Variants in LRRC4C observed in about 807,000 individuals in gnomAD.
LRRC4C encodes leucine-rich repeat-containing protein 4C.
A neutral mutation model predicts 33.6 loss-of-function variants in LRRC4C; 5 were observed. The observed-to-expected ratio is 0.15, with a 90% CI of 0.08 to 0.31. The LOEUF is 0.31. Ranked by LOEUF, LRRC4C falls within the 10% of genes least tolerant of loss-of-function variation. The pLI is 1.00. For synonymous variants in LRRC4C, 329 were observed against 302.0 expected, an observed-to-expected ratio of 1.09 and a Z score of -0.93; for missense variants, 560 against 796.7, an observed-to-expected ratio of 0.70 and a Z score of 3.58.
intron 1 of LRRC4C, among the ~76,000 whole-genome samples, chr11:41,012,828 C>A (rs771041994): frequency 6.6e-6 from 1 of 152,090 alleles, no homozygotes; most frequent in Non-Finnish European, 1.5e-5. Context: ...TGGCATTTCT[C>A]CGATGATTTG....
At chr11:40,889,929 A>C (rs868519128) in intron 2 of LRRC4C, among the ~76,000 whole-genome samples, 97 of 152,186 alleles carry the variant, frequency 6.4e-4, no homozygotes, top group African/African-American at 2.3e-3. Flanking sequence ...TCAATGTATA[A>C]TTAAAAACTC....
intron 2 of LRRC4C, among the ~76,000 whole-genome samples, chr11:40,843,197 G>A (rs1477620236): frequency 2.0e-5 from 3 of 152,056 alleles, no homozygotes; most frequent in Non-Finnish European, 4.4e-5. Flanking sequence ...CTCCCATTAA[G>A]GGGCCAAGCA....
At chr11:40,833,170 A>T (rs1304529546) in intron 2 of LRRC4C, among the ~76,000 whole-genome samples, 1 of 152,146 alleles carries the variant, frequency 6.6e-6, no homozygotes, top group Non-Finnish European at 1.5e-5. Context: ...TCCGTGTGAT[A>T]AAAACTTCCC....
intron 3 of LRRC4C, among the ~76,000 whole-genome samples, chr11:40,513,265 A>G (rs1255884015): frequency 5.3e-5 from 8 of 151,434 alleles, no homozygotes; most frequent in Admixed American, 2.0e-4. Context: ...AAAAAAAAAA[A>G]AAAAGAAAAG....
intron 1 of LRRC4C, among the ~76,000 whole-genome samples, chr11:41,037,467 A>C (rs2137916923): frequency 6.6e-6 from 1 of 152,086 alleles, no homozygotes; most frequent in African/African-American, 2.4e-5. Flanking sequence ...GGCCTCCCAA[A>C]GTGTGAGATT....
chr11:40,669,446 C>A (rs1194448127), intron 2 of LRRC4C, among the ~76,000 whole-genome samples: 2 of 152,188 alleles, frequency 1.3e-5, no homozygotes, highest in African/African-American at 4.8e-5. Context: ...CCATAGACAG[C>A]TGATGTTTCA....
At chr11:40,798,307 T>TC (rs1341477299) in intron 2 of LRRC4C, among the ~76,000 whole-genome samples, 1 of 152,146 alleles carries the variant, frequency 6.6e-6, no homozygotes, top group Non-Finnish European at 1.5e-5. Context: ...TGACCAGTTT[T>TC]CCCCATCCAG....
At chr11:41,003,229 A>T (rs1854507755) in intron 1 of LRRC4C, among the ~76,000 whole-genome samples, 1 of 152,178 alleles carries the variant, frequency 6.6e-6, no homozygotes, top group Non-Finnish European at 1.5e-5. Flanking sequence ...ATTTTTAAAT[A>T]CCATTTTTTC....
chr11:40,686,766 T>G (rs1944979130), intron 2 of LRRC4C, among the ~76,000 whole-genome samples: 1 of 152,118 alleles, frequency 6.6e-6, no homozygotes, highest in Non-Finnish European at 1.5e-5. Context: ...ACTTGAAATC[T>G]CTATTATAAC....
At chr11:40,610,047 C>T (rs1055436253) in intron 3 of LRRC4C, among the ~76,000 whole-genome samples, 1 of 151,832 alleles carries the variant, frequency 6.6e-6, no homozygotes, top group African/African-American at 2.4e-5. Context: ...TTTTATGAGG[C>T]CAGCATTACC....
chr11:40,591,288 C>G (rs1309825215), intron 3 of LRRC4C, among the ~76,000 whole-genome samples: 4 of 152,172 alleles, frequency 2.6e-5, no homozygotes, highest in African/African-American at 9.7e-5. Context: ...AGGGAACTCC[C>G]TGACCCCTTG....
intron 1 of LRRC4C, among the ~76,000 whole-genome samples, chr11:41,342,912 CACTA>C (rs1301969359): frequency 6.6e-6 from 1 of 152,182 alleles, no homozygotes; most frequent in East Asian, 1.9e-4. Flanking sequence ...GGGAGGATTA[CACTA>C]ACTTTCAAGT....
intron 3 of LRRC4C, among the ~76,000 whole-genome samples, chr11:40,561,310 C>T (rs1957536528): frequency 6.6e-6 from 1 of 151,746 alleles, no homozygotes; most frequent in Non-Finnish European, 1.5e-5. Context: ...AGGGATTGGA[C>T]TGCAGAATCT....
At chr11:40,788,593 C>T (rs1161184917) in intron 2 of LRRC4C, among the ~76,000 whole-genome samples, 3 of 152,166 alleles carry the variant, frequency 2.0e-5, no homozygotes, top group East Asian at 1.9e-4. Flanking sequence ...TAATTTTGCT[C>T]TTTCTTTTTG....
At chr11:40,851,327 C>A (rs376608087) in intron 2 of LRRC4C, among the ~76,000 whole-genome samples, 1 of 152,160 alleles carries the variant, frequency 6.6e-6, no homozygotes, top group Non-Finnish European at 1.5e-5. Flanking sequence ...GGCGTAGCAT[C>A]TGGGTCAGAG....
intron 1 of LRRC4C, among the ~76,000 whole-genome samples, chr11:41,382,392 C>T (rs1352220774): frequency 6.6e-6 from 1 of 151,974 alleles, no homozygotes; most frequent in Non-Finnish European, 1.5e-5. Context: ...AAAAATAAAT[C>T]ATTTTCAGAC....
chr11:40,848,322 T>C (rs561528886), intron 2 of LRRC4C, among the ~76,000 whole-genome samples: 22 of 152,220 alleles, frequency 1.4e-4, no homozygotes, highest in Non-Finnish European at 2.6e-4. Flanking sequence ...GCTTTAGCTG[T>C]GTCCCAGAGA....
intron 1 of LRRC4C, among the ~76,000 whole-genome samples, chr11:41,178,866 C>T (rs868280977): frequency 6.6e-6 from 1 of 152,138 alleles, no homozygotes; most frequent in Non-Finnish European, 1.5e-5. Flanking sequence ...CCATGCCCAG[C>T]TAATTTTTGC....
At chr11:40,601,569 C>T (rs901402676) in intron 3 of LRRC4C, among the ~76,000 whole-genome samples, 5 of 152,110 alleles carry the variant, frequency 3.3e-5, no homozygotes, top group Non-Finnish European at 5.9e-5. Flanking sequence ...CAATCAAGTA[C>T]AAAAATCACT....
Sources: gnomAD v4.1 joint callset for allele counts (sites outside exome capture counted in the v4.1 genomes callset) on GRCh38, gnomAD v4.1.1 for gene constraint, MANE v1.5 for transcripts, NCBI Gene and HGNC (gene_info 2026-07-23, HGNC 2026-07-21) for gene names.